The following SFXN5 variants were observed in gnomAD, a reference collection of about 807,000 sequenced individuals.
The protein encoded by SFXN5 is sideroflexin 5.
In SFXN5, 43 loss-of-function variants were observed where a neutral mutation model predicts 50.2. That is an observed-to-expected ratio of 0.86 (90% confidence interval 0.67 to 1.11). The LOEUF is 1.11. Ranked by LOEUF, SFXN5 falls within the 50% of genes least tolerant of loss-of-function variation. The pLI, the probability that SFXN5 is intolerant of heterozygous loss-of-function variation, is 0.00. For synonymous variants in SFXN5, 203 were observed against 185.8 expected (o/e 1.09, Z -0.75); for missense variants, 463 against 454.1 (o/e 1.02, Z -0.18).
Position 72,945,147 on chromosome 2 carries a change from A to C in SFXN5, c.946-48T>G. The C allele has an allele frequency of 6.4e-7, 1 of 1,564,896 alleles. No individual in the cohort carries two copies. The highest frequency in any genetic ancestry group is 8.8e-7 in the Non-Finnish European group (1 of 1,139,618). On this transcript the variant is annotated intron_variant, in intron 13 of 13. Coordinates refer to ENST00000272433, the MANE Select transcript of SFXN5 (RefSeq NM_144579.3). This position sits in a 1 kb window ranked among gnomAD's most constrained non-coding sequence, Gnocchi z 5.8. ...AAAAGTGGGGGAGTGGGAAGGGGCA[A>C]ATAGTGGGGCTGGGAGCTGCAGTGA...
In SFXN5 at chr2:72,950,594, C is replaced by T. The variant is rs927352837; in HGVS notation, c.946-5495G>A. ...TGCTCACCTATATGTGATGTTTCCT[C>T]CCCTGTCCACCAAAAACTAAGCATC... On this transcript the variant is annotated intron_variant, in intron 13 of 13. Coordinates refer to ENST00000272433, the MANE Select transcript of SFXN5 (RefSeq NM_144579.3). The surrounding 1 kb of genome is among the most constrained non-coding windows in gnomAD (Gnocchi z 4.2). Among the ~76,000 whole-genome samples, 1 of 152,208 alleles carries T rather than the reference C, an allele frequency of 6.6e-6. No individual in the cohort carries two copies.
chr2:72,964,813 A>G (rs1333876636), intron 12 of SFXN5, among the ~76,000 whole-genome samples: 3 of 152,200 alleles, frequency 2.0e-5, no homozygotes, highest in Admixed American at 6.5e-5. Context: ...ACCTTATCAG[A>G]GGGGCTCCTT....
chr2:73,067,531 T>G (rs1408882918), intron 1 of SFXN5, among the ~76,000 whole-genome samples: 1 of 152,250 alleles, frequency 6.6e-6, no homozygotes, highest in East Asian at 1.9e-4. Flanking sequence ...AGGAATTGTT[T>G]GTTGTCTTTT....
intron 2 of SFXN5, among the ~76,000 whole-genome samples, chr2:73,043,047 G>A (rs1574209646): frequency 6.6e-6 from 1 of 152,202 alleles, no homozygotes; most frequent in Non-Finnish European, 1.5e-5. Flanking sequence ...CAGCCTGGGC[G>A]ACAGAGTGAG....
At chr2:72,957,263 T>C (rs962195558) in intron 13 of SFXN5, among the ~76,000 whole-genome samples, 1 of 152,204 alleles carries the variant, frequency 6.6e-6, no homozygotes, top group African/African-American at 2.4e-5. Flanking sequence ...GAAGACTTAA[T>C]ACAGTAAGGT....
intron 1 of SFXN5, among the ~76,000 whole-genome samples, chr2:73,069,112 G>A (rs772513964): frequency 7.4e-4 from 112 of 152,238 alleles, no homozygotes; most frequent in Non-Finnish European, 8.7e-4. Context: ...TCAGAAGTGA[G>A]GTCTTTATCT....
At position 72,950,643 on chromosome 2, in the gene SFXN5, G is replaced by A. The variant is rs1185813283; in HGVS notation, c.946-5544C>T. 6.6e-6 allele frequency among the ~76,000 whole-genome samples: 1 copy of A among 152,232 alleles called. No homozygotes were observed. The highest frequency in any genetic ancestry group is 1.5e-5 in the Non-Finnish European group (1 of 68,044). On this transcript the variant is annotated intron_variant, in intron 13 of 13. Coordinates refer to ENST00000272433, the MANE Select transcript of SFXN5 (RefSeq NM_144579.3). The surrounding 1 kb of genome is among the most constrained non-coding windows in gnomAD (Gnocchi z 4.2). The stretch of plus-strand genomic sequence containing the variant: ...TCTCCCTTGAAGACCACCTCTCTGA[G>A]GTAAGTGTGGGGCCAAGTTTTCTCC...
Position 72,969,938 on chromosome 2 carries a change from C to T in SFXN5, c.742-1405G>A, listed in dbSNP as rs1033567028. On this transcript the variant is annotated intron_variant, in intron 11 of 13. Coordinates refer to ENST00000272433, the MANE Select transcript of SFXN5 (RefSeq NM_144579.3). ...ACAGCTCAGTGGCAATTCTGAGCTCCGACAGCCACTGTGGTAAGTTCCTTT... is the reference window on the plus strand; with the variant it reads ...ACAGCTCAGTGGCAATTCTGAGCTCTGACAGCCACTGTGGTAAGTTCCTTT... 3.3e-5 allele frequency among the ~76,000 whole-genome samples: 5 copies of T among 152,138 alleles called. No individual in the cohort carries two copies. In the South Asian group the frequency reaches 6.2e-4, roughly 19 times the overall value.
chr2:73,050,373 C>T (rs907033512), intron 2 of SFXN5, among the ~76,000 whole-genome samples: 3 of 148,154 alleles, frequency 2.0e-5, no homozygotes, highest in Non-Finnish European at 3.0e-5. Flanking sequence ...GTGGAGGTAG[C>T]GCCGCAGCCA....
At chr2:72,956,459 G>A (rs1333808365) in intron 13 of SFXN5, among the ~76,000 whole-genome samples, 2 of 151,260 alleles carry the variant, frequency 1.3e-5, no homozygotes, top group African/African-American at 4.8e-5. Flanking sequence ...TGTTCCTGCT[G>A]ATAAATTAGT....
At chr2:73,008,096 C>A (rs931346017) in intron 6 of SFXN5, among the ~76,000 whole-genome samples, 32 of 152,192 alleles carry the variant, frequency 2.1e-4, no homozygotes, top group African/African-American at 7.5e-4. Context: ...TGGGAAACAC[C>A]CCTGGAGATG....
chr2:72,984,576 C>T (rs1363465422), intron 10 of SFXN5, among the ~76,000 whole-genome samples: 1 of 152,258 alleles, frequency 6.6e-6, no homozygotes, highest in Non-Finnish European at 1.5e-5. Context: ...TGACTTTGTT[C>T]ATTCTTCTGT....
At chr2:73,063,506 C>A (rs1278871674) in intron 1 of SFXN5, among the ~76,000 whole-genome samples, 1 of 152,172 alleles carries the variant, frequency 6.6e-6, no homozygotes, top group African/African-American at 2.4e-5. Context: ...AGGTCTGGAC[C>A]AACCACTCAG....
rs141772155 is a variant in SFXN5, at chr2:72,995,603, A to G, written c.534+3346T>C. 1.4e-3 allele frequency among the ~76,000 whole-genome samples: 213 copies of G among 152,062 alleles called. 1 individual carries two copies. The highest frequency in any genetic ancestry group is 4.7e-3 in the African/African-American group (195 of 41,482). Reference sequence around the variant, plus strand: ...GCTTGCAGCCTGTCGGCCCCCATCCATGCCGCCTGCTTGTAGGGACTCGTT... The same window carrying G: ...GCTTGCAGCCTGTCGGCCCCCATCCGTGCCGCCTGCTTGTAGGGACTCGTT... On this transcript the variant is annotated intron_variant, in intron 9 of 13. Coordinates refer to ENST00000272433, the MANE Select transcript of SFXN5 (RefSeq NM_144579.3).
intron 1 of SFXN5, chr2:73,059,515 T>C: frequency 1.0e-6 from 1 of 985,360 alleles, no homozygotes; most frequent in Non-Finnish European, 1.2e-6. Context: ...CTGCAGCCAA[T>C]TCCTGTTCCT....
intron 8 of SFXN5, among the ~76,000 whole-genome samples, chr2:72,999,973 C>A (rs139349993): frequency 6.6e-6 from 1 of 152,042 alleles, no homozygotes; most frequent in South Asian, 2.1e-4. Flanking sequence ...CCTGGACCCT[C>A]CCCACTCAGG....
chr2:73,036,009 C>T (rs1346971236), intron 3 of SFXN5, among the ~76,000 whole-genome samples: 1 of 152,224 alleles, frequency 6.6e-6, no homozygotes, highest in Non-Finnish European at 1.5e-5. Context: ...GCCCACAACA[C>T]CAGGACAGGC....
intron 6 of SFXN5, among the ~76,000 whole-genome samples, chr2:73,017,877 T>C (rs992936991): frequency 3.3e-5 from 5 of 152,104 alleles, no homozygotes; most frequent in South Asian, 4.1e-4. Flanking sequence ...TAAAAGGAAA[T>C]AGGGCTCCTT....
rs775345988 is a variant in SFXN5, at chr2:72,945,127, T to G, written c.946-28A>C. On this transcript the variant is annotated intron_variant, in intron 13 of 13. Coordinates refer to ENST00000272433, the MANE Select transcript of SFXN5 (RefSeq NM_144579.3). This position sits in a 1 kb window ranked among gnomAD's most constrained non-coding sequence, Gnocchi z 5.8. ...GTGGAGAGAGAACAGAGAGGAAAAG[T>G]GGGGGAGTGGGAAGGGGCAAATAGT... 34 of 1,604,378 alleles carry G rather than the reference T, an allele frequency of 2.1e-5. No homozygotes were observed. The East Asian group carries it at 3.6e-4, about 17-fold the overall frequency.
Sources: gnomAD v4.1 joint callset for allele counts (sites outside exome capture counted in the v4.1 genomes callset) on GRCh38, gnomAD v4.1.1 for gene constraint, Gnocchi (gnomAD v3.1) non-coding constraint, MANE v1.5 for transcripts, NCBI Gene and HGNC (gene_info 2026-07-23, HGNC 2026-07-21) for gene names.